Variants in ZFAND3 observed in about 807,000 individuals in gnomAD.
The protein encoded by ZFAND3 is AN1-type zinc finger protein 3.
ZFAND3 carries 10 observed loss-of-function variants against 29.6 expected under a neutral mutation model. The ratio of observed to expected loss-of-function variants is 0.34; its 90% CI spans 0.21 to 0.57. ZFAND3 has a LOEUF of 0.57. ZFAND3 is among the 20% of genes least tolerant of loss of function. ZFAND3 has a pLI of 0.86. For missense variants in ZFAND3, 230 were observed against 304.5 expected, an observed-to-expected ratio of 0.76 and a Z score of 1.82; for synonymous variants, 128 against 112.6, an observed-to-expected ratio of 1.14 and a Z score of -0.87.
rs150109331 is a variant in ZFAND3 at position 37,867,636 on chromosome 6, T to A, written c.71+47620T>A. ...TGTCCAATTTTTTTTGATCAGCTAA[T>A]GAAATATAATAACTGTTTGCATATT... On this transcript the variant is annotated intron_variant, in intron 1 of 5. Transcript: ENST00000287218. Among the ~76,000 whole-genome samples, 3 of 152,326 alleles carry A rather than the reference T, an allele frequency of 2.0e-5. No individual in the cohort carries two copies. In the East Asian group the frequency reaches 5.8e-4, roughly 29 times the overall value.
chr6:38,012,999 G>A (rs1763185603), intron 2 of ZFAND3, among the ~76,000 whole-genome samples: 1 of 152,136 alleles, frequency 6.6e-6, no homozygotes, highest in Non-Finnish European at 1.5e-5. Context: ...TAGGATTATG[G>A]ATGATTTTAT....
At chr6:38,086,541 C>T (rs1036760984) in intron 4 of ZFAND3, among the ~76,000 whole-genome samples, 1 of 152,196 alleles carries the variant, frequency 6.6e-6, no homozygotes, top group Admixed American at 6.5e-5. Context: ...CTTGTTAATT[C>T]TCACAACATT....
At chr6:37,906,728 A>G (rs747982112) in intron 1 of ZFAND3, among the ~76,000 whole-genome samples, 1 of 148,516 alleles carries the variant, frequency 6.7e-6, no homozygotes. Context: ...TAAATTTTAT[A>G]GCCACCCTAG....
At chr6:37,928,209 G>T (rs1157121524) in intron 1 of ZFAND3, among the ~76,000 whole-genome samples, 1 of 152,144 alleles carries the variant, frequency 6.6e-6, no homozygotes, top group South Asian at 2.1e-4. Context: ...TTAGGTCTTT[G>T]GTTCCAGCAC....
chr6:38,038,822 AAAGG>A (rs754189999), intron 2 of ZFAND3, among the ~76,000 whole-genome samples: 4 of 152,160 alleles, frequency 2.6e-5, no homozygotes, highest in Non-Finnish European at 4.4e-5. Context: ...GGCATACCAA[AAAGG>A]AGCTGAATCT....
At chr6:37,940,669 C>A (rs1395107151) in intron 2 of ZFAND3, among the ~76,000 whole-genome samples, 2 of 151,912 alleles carry the variant, frequency 1.3e-5, no homozygotes, top group African/African-American at 4.8e-5. Flanking sequence ...TGGCAGAAGG[C>A]CAAGCAAGAA....
At chr6:37,894,720 T>C (rs1386471353) in intron 1 of ZFAND3, among the ~76,000 whole-genome samples, 1 of 152,124 alleles carries the variant, frequency 6.6e-6, no homozygotes, top group East Asian at 1.9e-4. Flanking sequence ...TCCTTTAGCT[T>C]TTATGTTTGG....
chr6:37,951,887 G>GT (rs757775159), intron 2 of ZFAND3, among the ~76,000 whole-genome samples: 1 of 152,264 alleles, frequency 6.6e-6, no homozygotes, highest in Non-Finnish European at 1.5e-5. Context: ...TTTGTTGAAG[G>GT]TTTTTAACAC....
At chr6:37,829,981 C>A (rs371493877) in intron 1 of ZFAND3, among the ~76,000 whole-genome samples, 1 of 152,306 alleles carries the variant, frequency 6.6e-6, no homozygotes, top group African/African-American at 2.4e-5. Context: ...CTACAAACTG[C>A]ATTTTCTTAC....
chr6:38,148,715 C>G lies in ZFAND3; in HGVS notation c.530-3520C>G, dbSNP rs74796610. Among the ~76,000 whole-genome samples the G allele has an allele frequency of 7.1e-3, 1,086 of 152,254 alleles. 10 individuals are homozygous for G. Among genetic ancestry groups the G allele is most frequent in the African/African-American group, 0.024 (1,016 of 41,550 alleles). ...AAAAGAGGATAAAGATTCATCCCAT[C>G]CACCAGTCATTCCCATGCACCTCTA... On this transcript the variant is annotated intron_variant, in intron 5 of 5. Coordinates refer to ENST00000287218, the MANE Select transcript of ZFAND3 (RefSeq NM_021943.3).
chr6:37,923,755 T>C (rs977311805), intron 1 of ZFAND3, among the ~76,000 whole-genome samples: 6 of 152,218 alleles, frequency 3.9e-5, no homozygotes, highest in Non-Finnish European at 7.3e-5. Flanking sequence ...AATAATCTTA[T>C]GGGACTTCTG....
At chr6:38,063,907 A>G (rs547174230) in intron 3 of ZFAND3, among the ~76,000 whole-genome samples, 1 of 152,320 alleles carries the variant, frequency 6.6e-6, no homozygotes, top group East Asian at 1.9e-4. Flanking sequence ...TTTAAATATT[A>G]TAACTTATTG....
intron 4 of ZFAND3, 36 bp downstream of exon 4, chr6:38,082,493 T>A: frequency 1.9e-6 from 3 of 1,586,972 alleles, no homozygotes; most frequent in Non-Finnish European, 2.6e-6. Context: ...TCATCCTTAT[T>A]TGAATTCTTC....
At chr6:37,840,016 C>G (rs1764043277) in intron 1 of ZFAND3, among the ~76,000 whole-genome samples, 1 of 151,818 alleles carries the variant, frequency 6.6e-6, no homozygotes, top group Admixed American at 6.6e-5. Flanking sequence ...AAAACTTTAC[C>G]TAATTCAAGG....
intron 2 of ZFAND3, among the ~76,000 whole-genome samples, chr6:38,010,072 A>T (rs1422734559): frequency 1.3e-5 from 2 of 152,230 alleles, no homozygotes; most frequent in African/African-American, 4.8e-5. Flanking sequence ...ATTGACATAA[A>T]TGTGAACTGT....
At chr6:38,137,253 C>CA (rs935355732) in intron 5 of ZFAND3, among the ~76,000 whole-genome samples, 2 of 152,124 alleles carry the variant, frequency 1.3e-5, no homozygotes, top group East Asian at 1.9e-4. Context: ...CGTGCTACTG[C>CA]AAAAAACAGG....
At chr6:37,900,005 CA>C (rs1472246739) in intron 1 of ZFAND3, among the ~76,000 whole-genome samples, 1 of 152,070 alleles carries the variant, frequency 6.6e-6, no homozygotes, top group Non-Finnish European at 1.5e-5. Context: ...AGAATTACGT[CA>C]TTCTTTTGGG....
intron 2 of ZFAND3, among the ~76,000 whole-genome samples, chr6:38,059,892 A>C (rs927521889): frequency 1.3e-5 from 2 of 152,090 alleles, no homozygotes; most frequent in Non-Finnish European, 2.9e-5. Context: ...AAAAGAAAAT[A>C]ATTCATTCTC....
At chr6:37,995,750 G>A (rs1762838483) in intron 2 of ZFAND3, among the ~76,000 whole-genome samples, 1 of 151,884 alleles carries the variant, frequency 6.6e-6, no homozygotes, top group African/African-American at 2.4e-5. Flanking sequence ...AACACAGTTA[G>A]TAAGTAAAAT....
Sources: gnomAD v4.1 joint callset for allele counts (sites outside exome capture counted in the v4.1 genomes callset) on GRCh38, gnomAD v4.1.1 for gene constraint, MANE v1.5 for transcripts, NCBI Gene and HGNC (gene_info 2026-07-23, HGNC 2026-07-21) for gene names.